Variants in SUMF2 observed in about 807,000 individuals in gnomAD.
SUMF2 encodes the protein sulfatase modifying factor 2.
A neutral mutation model predicts 44.8 loss-of-function variants in SUMF2; 45 were observed. The observed-to-expected ratio is 1.00, with a 90% CI of 0.79 to 1.29. The LOEUF (loss-of-function observed/expected upper bound fraction) is 1.29. Ranked by LOEUF, SUMF2 falls within the 50% of genes most tolerant of loss-of-function variation. The probability of loss-of-function intolerance (pLI) is 0.00; values close to 1 mark genes in which losing one functional copy is unlikely to be tolerated. For synonymous variants in SUMF2, 148 were observed against 150.4 expected (o/e 0.98, Z 0.12); for missense variants, 418 against 389.9 (o/e 1.07, Z -0.61).
At chr7:56,087,911 A>AATGGTGG in the SUMF2 span, 1 of 669,260 alleles carries the variant, frequency 1.5e-6, no homozygotes. Flanking sequence ...AGCTTTTGGA[A>AATGGTGG]ATGGTGGATG....
chr7:56,066,082 C>CAAAAAAAAAAAAAAAAAAAAAAAAAAAA, intron 1 of SUMF2, among the ~76,000 whole-genome samples: 1 of 69,688 alleles, frequency 1.4e-5, no homozygotes, highest in Non-Finnish European at 2.6e-5. Flanking sequence ...CTCCGCCTCA[C>CAAAAAAAAAAAAAAAAAAAAAAAAAAAA]AAAAAAAAAA....
At chr7:56,066,099 A>C (rs201585428) in intron 1 of SUMF2, among the ~76,000 whole-genome samples, 1 of 151,480 alleles carries the variant, frequency 6.6e-6, no homozygotes, top group East Asian at 1.9e-4. Flanking sequence ...AAAAAAAAAA[A>C]AAAAAATCAA....
chr7:56,081,446 C>T, downstream of SUMF2: 1 of 1,290,686 alleles, frequency 7.7e-7, no homozygotes, highest in Non-Finnish European at 1.1e-6. The surrounding 1 kb of genome is among the most constrained non-coding windows in gnomAD (Gnocchi z 4.6). Flanking sequence ...TCCCACTTGG[C>T]CAGCATCCTC....
At chr7:56,083,344 T>G (rs375748758), downstream of SUMF2, 2 of 1,614,178 alleles carry the variant, frequency 1.2e-6, no homozygotes, top group South Asian at 2.2e-5. Flanking sequence ...ATGTTCATGT[T>G]GTCATCCAAG....
chr7:56,076,811 C>T (rs1203850255), intron 5 of SUMF2, 23 bp from the exon 6 acceptor site: 5 of 1,579,138 alleles, frequency 3.2e-6, no homozygotes, highest in Admixed American at 1.8e-5. Flanking sequence ...CCCTCCTCTG[C>T]TGCCTCCTTG....
At position 56,080,217 on chromosome 7, in the gene SUMF2, G is replaced by C. The variant is rs540388842; in HGVS notation, c.*605G>C. 5.3e-6 allele frequency: 1 copy of C among 188,592 alleles called. No homozygotes were observed. Among genetic ancestry groups the C allele is most frequent in the East Asian group, 1.4e-4 (1 of 7,068 alleles). The allele number at this position is 188,592 out of a possible 1,614,324, so 11.7% of individuals were successfully genotyped here. On this transcript the variant is annotated 3_prime_UTR_variant, in exon 9 of 9. Transcript: ENST00000434526. ...AGCATTGCATTGTGGGAATCACAAA[G>C]CAAATAGTACTCCAGAAAGACAAAT...
intron 3 of SUMF2, 134 bp from the exon 4 acceptor site, chr7:56,074,040 A>C: frequency 1.5e-6 from 1 of 655,044 alleles, no homozygotes; most frequent in South Asian, 1.7e-5. Flanking sequence ...AAAAAAAAAA[A>C]AAAATCAGCC....
intron 1 of SUMF2, among the ~76,000 whole-genome samples, chr7:56,067,118 G>A (rs1476257202): frequency 1.3e-5 from 2 of 152,184 alleles, no homozygotes; most frequent in Non-Finnish European, 2.9e-5. Context: ...GAGAGGAAGA[G>A]GCAGAGAAAC....
chr7:56,074,124 G>T (rs772244543), intron 3 of SUMF2, 50 bp from the exon 4 acceptor site: 14 of 1,587,160 alleles, frequency 8.8e-6, no homozygotes, highest in South Asian at 5.5e-5. Context: ...TCGGGGAGGT[G>T]CCTTTGCTGG....
chr7:56,072,290 G>A (rs553118345), intron 2 of SUMF2, among the ~76,000 whole-genome samples: 2 of 151,620 alleles, frequency 1.3e-5, no homozygotes, highest in South Asian at 2.1e-4. Context: ...GCTGGGCGTG[G>A]TGGTATACGT....
chr7:56,083,567 C>T (rs1292383581), downstream of SUMF2: 28 of 1,488,624 alleles, frequency 1.9e-5, no homozygotes, highest in South Asian at 2.3e-5. Flanking sequence ...GACATGTGCA[C>T]GCCCTGCCTC....
intron 1 of SUMF2, among the ~76,000 whole-genome samples, chr7:56,064,697 C>T (rs932520405): frequency 1.3e-5 from 2 of 148,542 alleles, no homozygotes; most frequent in African/African-American, 5.0e-5. Context: ...AACGTGAAAC[C>T]CTGTCTCTAC....
chr7:56,087,835 A>G, the SUMF2 span: 2 of 1,381,854 alleles, frequency 1.4e-6, no homozygotes, highest in South Asian at 2.3e-5. Context: ...GGGGTCCCAG[A>G]TTAGAGGCTG....
intron 3 of SUMF2, 75 bp downstream of exon 3, chr7:56,073,186 C>T (rs1287534513): frequency 8.6e-7 from 1 of 1,157,666 alleles, no homozygotes; most frequent in African/African-American, 1.5e-5. Flanking sequence ...ACATGGGTTA[C>T]CTGGGACACA....
intron 1 of SUMF2, among the ~76,000 whole-genome samples, chr7:56,068,147 C>T (rs1794932747): frequency 6.6e-6 from 1 of 150,734 alleles, no homozygotes; most frequent in African/African-American, 2.4e-5. Context: ...CATTCTCCTG[C>T]CTCAGCCTCC....
At chr7:56,068,908 T>G (rs1250009903) in intron 2 of SUMF2, among the ~76,000 whole-genome samples, 1 of 151,706 alleles carries the variant, frequency 6.6e-6, no homozygotes, top group African/African-American at 2.4e-5. Context: ...AGACGGGGTT[T>G]CTCCATGTTG....
chr7:56,067,705 C>T (rs536042213), intron 1 of SUMF2, among the ~76,000 whole-genome samples: 4 of 151,770 alleles, frequency 2.6e-5, no homozygotes, highest in East Asian at 1.9e-4. Context: ...CCAGCCTGGG[C>T]GACATAACAA....
At chr7:56,073,920 T>G in intron 3 of SUMF2, 1 of 534,310 alleles carries the variant, frequency 1.9e-6, no homozygotes, top group South Asian at 2.4e-5. Flanking sequence ...GAGGTTGAGG[T>G]GGGAGGATTA....
chr7:56,086,311 C>G, the SUMF2 span, among the ~76,000 whole-genome samples: 2 of 151,932 alleles, frequency 1.3e-5, no homozygotes, highest in African/African-American at 4.8e-5. Context: ...TATGTACATA[C>G]CTAAGATGAA....
Sources: allele counts gnomAD v4.1 joint callset (sites outside exome capture counted in the v4.1 genomes callset), GRCh38; gene constraint gnomAD v4.1.1; non-coding constraint Gnocchi (gnomAD v3.1); transcripts MANE v1.5; gene names NCBI Gene and HGNC (gene_info 2026-07-23, HGNC 2026-07-21).